The following JARID2 variants were observed in gnomAD, a reference collection of about 807,000 sequenced individuals.
JARID2 encodes the protein jumonji and AT-rich interaction domain containing 2, also known as protein Jumonji.
In JARID2, 21 loss-of-function variants were observed where a neutral mutation model predicts 125.6. That is an observed-to-expected ratio of 0.17 (90% confidence interval 0.12 to 0.24). The LOEUF is 0.24. Ranked by LOEUF, JARID2 falls within the 10% of genes least tolerant of loss-of-function variation. The pLI, the probability that JARID2 is intolerant of heterozygous loss-of-function variation, is 1.00. For synonymous variants in JARID2, 736 were observed against 661.6 expected, an observed-to-expected ratio of 1.11 and a Z score of -1.73; for missense variants, 1,303 against 1,639.6, an observed-to-expected ratio of 0.79 and a Z score of 3.55.
At chr6:15,292,243 G>A (rs995151844) in intron 1 of JARID2, among the ~76,000 whole-genome samples, 2 of 151,734 alleles carry the variant, frequency 1.3e-5, no homozygotes, top group African/African-American at 2.4e-5. Flanking sequence ...GGATGGTTTC[G>A]ATCTCCTGAC....
chr6:15,330,281 G>A (rs149529028), intron 1 of JARID2, among the ~76,000 whole-genome samples: 3 of 152,280 alleles, frequency 2.0e-5, no homozygotes, highest in Non-Finnish European at 2.9e-5. Flanking sequence ...TTCTACTTGT[G>A]TGGCCAGGAG....
At chr6:15,267,557 T>G (rs1159383546) in intron 1 of JARID2, among the ~76,000 whole-genome samples, 1 of 152,202 alleles carries the variant, frequency 6.6e-6, no homozygotes, top group Non-Finnish European at 1.5e-5. Flanking sequence ...GCTCTGGGAA[T>G]GGAGTAAGCT....
intron 1 of JARID2, among the ~76,000 whole-genome samples, chr6:15,277,509 T>A (rs1760574644): frequency 6.6e-6 from 1 of 152,160 alleles, no homozygotes; most frequent in African/African-American, 2.4e-5. Flanking sequence ...GGTATCTCTG[T>A]CTCTATCCTG....
At position 15,368,713 on chromosome 6, in the gene JARID2, C is replaced by G. The variant is rs779831730; in HGVS notation, c.46-5404C>G. 8.0e-6 allele frequency: 4 copies of G among 499,720 alleles called. No individual in the cohort carries two copies. In the East Asian group the frequency reaches 1.7e-4, roughly 21 times the overall value. 31.0% of individuals were successfully genotyped at this position (499,720 alleles called of 1,614,324 possible). ...TGCTCTTTGATCACTGAAGAGGAGT[C>G]AAAGGAAGATTTCTCAGGGTATATT... On this transcript the variant is annotated intron_variant, in intron 1 of 17. Coordinates refer to ENST00000341776, the MANE Select transcript of JARID2 (RefSeq NM_004973.4).
chr6:15,457,095 A>G (rs1417922153), intron 4 of JARID2, among the ~76,000 whole-genome samples: 1 of 152,084 alleles, frequency 6.6e-6, no homozygotes, highest in East Asian at 1.9e-4. Context: ...ATGATATTGC[A>G]TTATACTTTC....
intron 7 of JARID2, 148 bp from the exon 8 acceptor site, chr6:15,500,759 C>G (rs778649472): frequency 2.0e-5 from 14 of 691,322 alleles, no homozygotes; most frequent in Admixed American, 1.7e-4. Flanking sequence ...CTCTGTGGAC[C>G]GGGAGTCTGC....
chr6:15,426,117 G>GGC lies in JARID2; in HGVS notation c.323+15753_323+15754dup, dbSNP rs552211028. On this transcript the variant is annotated intron_variant, in intron 3 of 17. Transcript: ENST00000341776. ...AACATGATGAGCTTCTTGAGTACTG[G>GGC]GCAGTTTGCCTTGGGAGGGGACAGC... Among the ~76,000 whole-genome samples the GGC allele has an allele frequency of 2.9e-4, 44 of 152,202 alleles. No homozygotes were observed. In the East Asian group the frequency reaches 5.8e-3, roughly 20 times the overall value.
At chr6:15,514,347 C>G (rs1771443110) in intron 16 of JARID2, among the ~76,000 whole-genome samples, 1 of 152,236 alleles carries the variant, frequency 6.6e-6, no homozygotes, top group Admixed American at 6.5e-5. Context: ...CGGGCCTCGT[C>G]CCTTTCCACA....
Position 15,405,490 on chromosome 6 carries a change from C to G in JARID2, c.182-4734C>G, listed in dbSNP as rs1036460043. ...AAGCTGCCTTTACTGCAATGATTTACAATTTTCAGCTCATATTTATTGCTT... is the reference window on the plus strand; with the variant it reads ...AAGCTGCCTTTACTGCAATGATTTAGAATTTTCAGCTCATATTTATTGCTT... On this transcript the variant is annotated intron_variant, in intron 2 of 17. Coordinates refer to ENST00000341776, the MANE Select transcript of JARID2 (RefSeq NM_004973.4). 1.3e-4 allele frequency among the ~76,000 whole-genome samples: 20 copies of G among 152,190 alleles called. 2 individuals carry two copies. The highest frequency in any genetic ancestry group is 1.3e-4 in the Admixed American group (2 of 15,282).
rs147904380 is a variant in JARID2, at chr6:15,289,011, A to G, written c.45+42427A>G. 7.9e-5 allele frequency among the ~76,000 whole-genome samples: 12 copies of G among 152,326 alleles called. No individual in the cohort carries two copies. In the East Asian group the frequency reaches 1.7e-3, roughly 22 times the overall value. On this transcript the variant is annotated intron_variant, in intron 1 of 17. Transcript: ENST00000341776. ...GGGCAAGGAGCAGGGGTGGTTGTCC[A>G]AGCCACGGAGGGAGGAGAAGTGTCA... is the stretch of plus-strand genomic sequence containing the variant.
At chr6:15,505,981 A>G (rs142747654) in intron 9 of JARID2, among the ~76,000 whole-genome samples, 1 of 152,256 alleles carries the variant, frequency 6.6e-6, no homozygotes, top group Non-Finnish European at 1.5e-5. Context: ...GAGGTGCAGA[A>G]GTTTATTATC....
intron 1 of JARID2, among the ~76,000 whole-genome samples, chr6:15,296,067 G>A (rs969753862): frequency 6.6e-6 from 1 of 152,082 alleles, no homozygotes; most frequent in Non-Finnish European, 1.5e-5. Flanking sequence ...AAAGTATTTC[G>A]GTAATTTTTT....
intron 1 of JARID2, among the ~76,000 whole-genome samples, chr6:15,293,491 G>GT (rs1184562309): frequency 2.6e-5 from 4 of 152,226 alleles, no homozygotes; most frequent in Non-Finnish European, 5.9e-5. Flanking sequence ...TTGAACGGAT[G>GT]TTGTAAATGT....
intron 1 of JARID2, among the ~76,000 whole-genome samples, chr6:15,326,147 T>G (rs185137540): frequency 1.3e-5 from 2 of 152,300 alleles, no homozygotes; most frequent in East Asian, 3.9e-4. Context: ...CTCTCCTAAT[T>G]GCAGAAGTAT....
At chr6:15,486,285 A>T (rs1048547025) in intron 5 of JARID2, among the ~76,000 whole-genome samples, 1 of 152,238 alleles carries the variant, frequency 6.6e-6, no homozygotes, top group Non-Finnish European at 1.5e-5. Context: ...GGGACTGTAA[A>T]GCAGAAGGAT....
rs993094417 is a variant in JARID2, at chr6:15,334,709, T to C, written c.46-39408T>C. Among the ~76,000 whole-genome samples, 4 of 152,182 alleles carry C rather than the reference T, an allele frequency of 2.6e-5. No homozygotes were observed. The East Asian group carries it at 7.7e-4, about 29-fold the overall frequency. ...GTTGTTTGTTTCTTCAATACTGTAA[T>C]ATTTGAGAGAGTGTACAACTCTAGA... On this transcript the variant is annotated intron_variant, in intron 1 of 17. Transcript: ENST00000341776.
chr6:15,269,185 G>T (rs1002548599), intron 1 of JARID2, among the ~76,000 whole-genome samples: 1 of 152,106 alleles, frequency 6.6e-6, no homozygotes, highest in South Asian at 2.1e-4. Flanking sequence ...CTCCTCCCAG[G>T]CCTCTGTAAA....
At chr6:15,434,360 T>A (rs1224567132) in intron 3 of JARID2, among the ~76,000 whole-genome samples, 1 of 152,126 alleles carries the variant, frequency 6.6e-6, no homozygotes, top group Non-Finnish European at 1.5e-5. Flanking sequence ...TTTCAGAGAG[T>A]GTTGCACATA....
chr6:15,469,353 CTCTCTCTCCTCCCCTT>C (rs1768937284), intron 5 of JARID2, among the ~76,000 whole-genome samples: 6 of 39,052 alleles, frequency 1.5e-4, no homozygotes, highest in Admixed American at 2.8e-4. Flanking sequence ...CTCTCTCTCT[CTCTCTCTCCTCCCCTT>C]CTCCCCCTCT....
Sources: allele counts gnomAD v4.1 joint callset (sites outside exome capture counted in the v4.1 genomes callset), GRCh38; gene constraint gnomAD v4.1.1; transcripts MANE v1.5; gene names NCBI Gene and HGNC (gene_info 2026-07-23, HGNC 2026-07-21).